Variants in QTMAN observed in about 807,000 individuals in gnomAD.
The protein encoded by QTMAN is queuosine-tRNA mannosyltransferase.
chr2:144,238,943 A>ATAACAAG, the QTMAN span, among the ~76,000 whole-genome samples: 69 of 152,226 alleles, frequency 4.5e-4, 3 homozygotes, highest in East Asian at 0.011. Flanking sequence ...TTGAAACTTT[A>ATAACAAG]ATGATAACAA....
the QTMAN span, among the ~76,000 whole-genome samples, chr2:143,961,018 A>G: frequency 2.0e-4 from 30 of 152,150 alleles, no homozygotes; most frequent in Non-Finnish European, 3.7e-4. Flanking sequence ...ACAGATGAGT[A>G]AAGTAAGGCT....
chr2:143,956,547 A>ACT, the QTMAN span, among the ~76,000 whole-genome samples: 1 of 152,116 alleles, frequency 6.6e-6, no homozygotes, highest in Non-Finnish European at 1.5e-5. Context: ...AATTATTAGA[A>ACT]ATGATTCAAT....
chr2:144,097,601 A>T, the QTMAN span, among the ~76,000 whole-genome samples: 1 of 152,190 alleles, frequency 6.6e-6, no homozygotes, highest in Admixed American at 6.5e-5. Flanking sequence ...TCTTGATGTC[A>T]TACACATGTG....
At chr2:144,259,499 C>A in the QTMAN span, among the ~76,000 whole-genome samples, 1 of 152,130 alleles carries the variant, frequency 6.6e-6, no homozygotes, top group Non-Finnish European at 1.5e-5. Context: ...TTATTACTTC[C>A]ATGGCAAAAA....
At chr2:144,183,631 A>G in the QTMAN span, among the ~76,000 whole-genome samples, 1 of 152,198 alleles carries the variant, frequency 6.6e-6, no homozygotes, top group African/African-American at 2.4e-5. Flanking sequence ...ACTAAAATCT[A>G]TAGGGCTGAA....
the QTMAN span, among the ~76,000 whole-genome samples, chr2:144,222,852 C>T: frequency 6.6e-6 from 1 of 152,080 alleles, no homozygotes; most frequent in Non-Finnish European, 1.5e-5. Context: ...TATAATCATC[C>T]ATATGTATTG....
the QTMAN span, among the ~76,000 whole-genome samples, chr2:144,083,172 C>G: frequency 6.6e-6 from 1 of 152,230 alleles, no homozygotes; most frequent in Non-Finnish European, 1.5e-5. Flanking sequence ...GGAATGTGGT[C>G]TGCGGACATG....
At chr2:144,265,548 T>G in the QTMAN span, among the ~76,000 whole-genome samples, 288 of 151,916 alleles carry the variant, frequency 1.9e-3, 2 homozygotes, top group African/African-American at 6.7e-3. Context: ...ATACAAAAAA[T>G]TAGCCGGGGG....
the QTMAN span, among the ~76,000 whole-genome samples, chr2:144,023,389 A>G: frequency 6.6e-6 from 1 of 152,256 alleles, no homozygotes; most frequent in Non-Finnish European, 1.5e-5. Flanking sequence ...AGGTATTTAC[A>G]GAGTGCCCAT....
chr2:144,072,508 T>G, the QTMAN span, among the ~76,000 whole-genome samples: 4 of 152,232 alleles, frequency 2.6e-5, no homozygotes, highest in Non-Finnish European at 5.9e-5. Flanking sequence ...TTTAGTAACT[T>G]GACTTGTCCA....
the QTMAN span, chr2:143,942,197 A>T: frequency 6.0e-6 from 1 of 167,134 alleles, no homozygotes; most frequent in South Asian, 2.1e-4. Flanking sequence ...AACAATTAAG[A>T]TCCTCTCCTT....
the QTMAN span, among the ~76,000 whole-genome samples, chr2:144,174,043 C>T: frequency 3.2e-4 from 48 of 152,276 alleles, no homozygotes; most frequent in South Asian, 5.8e-3. Context: ...CCAAATAAAA[C>T]CCTTTTATAC....
chr2:144,153,553 T>C, the QTMAN span, among the ~76,000 whole-genome samples: 1 of 151,936 alleles, frequency 6.6e-6, no homozygotes, highest in South Asian at 2.1e-4. Flanking sequence ...TTGCCAGGCA[T>C]GGTGGCAGGT....
At chr2:144,193,239 C>T in the QTMAN span, among the ~76,000 whole-genome samples, 1 of 151,740 alleles carries the variant, frequency 6.6e-6, no homozygotes, top group Non-Finnish European at 1.5e-5. Context: ...ACAGACATTT[C>T]TGAATCAAGT....
chr2:144,186,961 T>C, the QTMAN span, among the ~76,000 whole-genome samples: 1 of 152,184 alleles, frequency 6.6e-6, no homozygotes, highest in Non-Finnish European at 1.5e-5. Context: ...GCCATAACTG[T>C]GTTAATATTT....
the QTMAN span, among the ~76,000 whole-genome samples, chr2:144,110,043 A>G: frequency 6.6e-6 from 1 of 152,252 alleles, no homozygotes; most frequent in African/African-American, 2.4e-5. Flanking sequence ...ATTACTGGGT[A>G]TATACCCAGA....
the QTMAN span, among the ~76,000 whole-genome samples, chr2:144,278,936 T>A: frequency 6.6e-6 from 1 of 152,200 alleles, no homozygotes; most frequent in Non-Finnish European, 1.5e-5. Flanking sequence ...TTTCATTTAA[T>A]CCTTTGAACA....
At chr2:144,055,046 G>A in the QTMAN span, among the ~76,000 whole-genome samples, 1 of 152,062 alleles carries the variant, frequency 6.6e-6, no homozygotes, top group East Asian at 1.9e-4. Flanking sequence ...TTGATGCTCT[G>A]TAACTAAGAA....
chr2:144,307,749 G>A, the QTMAN span, among the ~76,000 whole-genome samples: 12 of 152,078 alleles, frequency 7.9e-5, no homozygotes, highest in South Asian at 2.1e-4. Context: ...TATAATTCAC[G>A]TCCTATTCAC....
Sources: allele counts gnomAD v4.1 joint callset (sites outside exome capture counted in the v4.1 genomes callset), GRCh38; gene constraint gnomAD v4.1.1; transcripts MANE v1.5; gene names NCBI Gene and HGNC (gene_info 2026-07-23, HGNC 2026-07-21).